ARHGAP23: variants seen among roughly 807,000 people sequenced by gnomAD.
The protein encoded by ARHGAP23 is Rho GTPase activating protein 23, also known as rho GTPase-activating protein 23.
In ARHGAP23, 34 loss-of-function variants were observed where a neutral mutation model predicts 136.3. The observed-to-expected ratio is 0.25, with a 90% CI of 0.19 to 0.33. ARHGAP23 has a LOEUF of 0.33. Ranked by LOEUF, ARHGAP23 falls within the 10% of genes least tolerant of loss-of-function variation. The pLI is 1.00. For synonymous variants in ARHGAP23, 832 were observed against 920.5 expected (o/e 0.90, Z 1.74); for missense variants, 1,808 against 2,139.0 (o/e 0.85, Z 3.05).
upstream of ARHGAP23, among the ~76,000 whole-genome samples, chr17:38,426,546 A>G (rs8076899): frequency 0.5 from 63,065 of 125,872 alleles, 18,645 homozygotes; most frequent in African/African-American, 0.85. Context: ...GTGAAACTCC[A>G]TCTCAAAAAA....
chr17:38,509,869 G>T, intron 23 of ARHGAP23, 75 bp from the exon 24 acceptor site: 1 of 1,141,970 alleles, frequency 8.8e-7, no homozygotes, highest in Non-Finnish European at 1.1e-6. Context: ...TGACGTGGGG[G>T]TGGACCGGGT....
chr17:38,434,061 G>A (rs780927609), intron 1 of ARHGAP23, among the ~76,000 whole-genome samples: 2 of 152,280 alleles, frequency 1.3e-5, no homozygotes, highest in East Asian at 3.9e-4. Flanking sequence ...CTGACCTCAG[G>A]TGATCCACTT....
At chr17:38,423,663 G>A (rs755557254), upstream of ARHGAP23, among the ~76,000 whole-genome samples, 4 of 151,978 alleles carry the variant, frequency 2.6e-5, no homozygotes, top group Admixed American at 6.6e-5. Context: ...GTGAGCCACC[G>A]CGCCTGGCCA....
chr17:38,433,621 G>A lies in ARHGAP23; in HGVS notation c.63+5073G>A, dbSNP rs117331610. Among the ~76,000 whole-genome samples, 5 of 152,284 alleles carry A rather than the reference G, an allele frequency of 3.3e-5. No homozygotes were observed. In the East Asian group the frequency reaches 9.7e-4, roughly 29 times the overall value. Reference sequence around the variant, plus strand: ...GCCTTGGGATCAGCACTATATGATAGGAAATTAGAGGAGCAGGTGAATCCT... The same window carrying A: ...GCCTTGGGATCAGCACTATATGATAAGAAATTAGAGGAGCAGGTGAATCCT... On this transcript the variant is annotated intron_variant, in intron 1 of 23. Transcript: ENST00000622683.
rs2039628847 is a variant in ARHGAP23, at chr17:38,467,155, T to C, written c.1472T>C (p.Leu491Pro). The change falls in exon 7 of 24, where the codon CTG (leucine) becomes CCG (proline). Residue 491 changes from leucine (L) to proline (P), a missense_variant. Around this residue, in one of 7 missense-constraint regions of ARHGAP23, gnomAD observed 859 missense variants for 936.4 expected, o/e 0.92. Coordinates refer to ENST00000622683, the MANE Select transcript of ARHGAP23 (RefSeq NM_001199417.2). ...GAGGATCGCGGCGATGAGGTGGTCCTGAGGCAGAAGCCCCCGACGGGCCGC... is the reference window on the plus strand; with the variant it reads ...GAGGATCGCGGCGATGAGGTGGTCCCGAGGCAGAAGCCCCCGACGGGCCGC... ...PAEDRGDEVV[L>P]RQKPPTGRKV... The C allele has an allele frequency of 6.5e-7, 1 of 1,549,688 alleles. No homozygotes were observed. Among genetic ancestry groups the C allele is most frequent in the African/African-American group, 1.4e-5 (1 of 73,176 alleles).
intron 23 of ARHGAP23, among the ~76,000 whole-genome samples, chr17:38,505,422 C>G (rs1214695780): frequency 1.3e-5 from 2 of 152,056 alleles, no homozygotes; most frequent in Admixed American, 6.6e-5. Flanking sequence ...CCCGAGCACC[C>G]CCACTGGTAC....
Position 38,510,898 on chromosome 17 carries a change from C to T in ARHGAP23, c.4402C>T (p.Pro1468Ser), listed in dbSNP as rs753839002. 1 of 1,491,002 alleles carries T rather than the reference C, an allele frequency of 6.7e-7. No homozygotes were observed. The highest frequency in any genetic ancestry group is 8.9e-7 in the Non-Finnish European group (1 of 1,129,124). 92.4% of individuals were successfully genotyped at this position (1,491,002 alleles called of 1,614,324 possible). A position where few individuals can be genotyped will look rare whatever the true frequency, so the allele number is the denominator to read the frequency against. ...GTCCGCTGCCTCGCAGCCGCCCGCGCCCGGGGACACGGGGTCCCTGCAGAG... is the reference window on the plus strand; with the variant it reads ...GTCCGCTGCCTCGCAGCCGCCCGCGTCCGGGGACACGGGGTCCCTGCAGAG... The part of the protein sequence containing the change: ...PSSAASQPPA[P>S]GDTGSLQSQP... The change falls in exon 24 of 24, where the codon CCC becomes TCC. Residue 1468 changes from proline to serine, a missense_variant. Pro to Ser is a moderately conservative substitution (Grantham distance 74, BLOSUM62 -1). This residue lies in a region of ARHGAP23 where 506 missense variants were observed against 455.8 expected (regional missense o/e 1.11). Coordinates refer to ENST00000622683, the MANE Select transcript of ARHGAP23 (RefSeq NM_001199417.2). This position sits in a 1 kb window ranked among gnomAD's most constrained non-coding sequence, Gnocchi z 4.6.
chr17:38,439,975 G>A (rs2038886547), intron 1 of ARHGAP23, among the ~76,000 whole-genome samples: 1 of 151,530 alleles, frequency 6.6e-6, no homozygotes, highest in East Asian at 1.9e-4. Context: ...TGATCGGCCT[G>A]CCTCGGCCTC....
chr17:38,489,895 G>A (rs1205397838), intron 17 of ARHGAP23: 13 of 590,902 alleles, frequency 2.2e-5, no homozygotes, highest in East Asian at 8.6e-5. Flanking sequence ...CCCAGGTCAG[G>A]TGCACACCCG....
intron 4 of ARHGAP23, 55 bp from the exon 5 acceptor site, chr17:38,463,063 T>C: frequency 6.5e-7 from 1 of 1,544,706 alleles, no homozygotes; most frequent in Admixed American, 2.0e-5. Context: ...ACAGGGGTTC[T>C]CAGATGGGGC....
chr17:38,441,745 G>T (rs767105197), intron 1 of ARHGAP23, among the ~76,000 whole-genome samples: 2 of 152,168 alleles, frequency 1.3e-5, no homozygotes, highest in Non-Finnish European at 1.5e-5. Context: ...AAGGGAAGAA[G>T]GGGACGGGGA....
chr17:38,510,947 C>T lies in ARHGAP23; in HGVS notation c.4451C>T (p.Ala1484Val), dbSNP rs9303325. The T allele has an allele frequency of 2.3e-3, 3,313 of 1,459,648 alleles. 69 individuals carry two copies. The African/African-American group carries it at 0.043, about 19-fold the overall frequency. 90.4% of individuals were successfully genotyped at this position (1,459,648 alleles called of 1,614,324 possible). A position where few individuals can be genotyped will look rare whatever the true frequency, so the allele number is the denominator to read the frequency against. Residue 1484 changes from alanine (A) to valine (V), a missense_variant, in exon 24 of 24, where the codon GCC (alanine) becomes GTC (valine). By Grantham distance (64) the Ala-to-Val change is moderately conservative. This residue lies in a region of ARHGAP23 where 506 missense variants were observed against 455.8 expected (regional missense o/e 1.11). Coordinates refer to ENST00000622683, the MANE Select transcript of ARHGAP23 (RefSeq NM_001199417.2). This position sits in a 1 kb window ranked among gnomAD's most constrained non-coding sequence, Gnocchi z 4.6. ...AGCCAGCCCCCGCGCCGCTCGGCCG[C>T]CTCCCGCCTGCATCAGTGTCTGTGA... is the stretch of plus-strand genomic sequence containing the variant. ...LQSQPPRRSA[A>V]SRLHQCL
chr17:38,446,643 C>G (rs1291806404), intron 1 of ARHGAP23, among the ~76,000 whole-genome samples: 2 of 140,484 alleles, frequency 1.4e-5, no homozygotes, highest in African/African-American at 5.4e-5. Flanking sequence ...CGGAGTTTCA[C>G]TTTTGTTGCC....
intron 21 of ARHGAP23, among the ~76,000 whole-genome samples, chr17:38,498,166 GC>G (rs2040434476): frequency 6.6e-6 from 1 of 152,204 alleles, no homozygotes; most frequent in African/African-American, 2.4e-5. Context: ...CACAGCTCCT[GC>G]CCCTAGCTGA....
intron 20 of ARHGAP23, among the ~76,000 whole-genome samples, chr17:38,497,057 GTCT>G (rs1244338588): frequency 1.3e-5 from 2 of 151,950 alleles, no homozygotes; most frequent in African/African-American, 2.4e-5. Flanking sequence ...TTACTTTCTT[GTCT>G]TCTTGTGTTT....
chr17:38,429,941 G>A (rs1023718233), intron 1 of ARHGAP23, among the ~76,000 whole-genome samples: 1 of 152,184 alleles, frequency 6.6e-6, no homozygotes. Context: ...CTTGGCATGC[G>A]ATTTGAATCT....
At chr17:38,441,860 G>A (rs1345303161) in intron 1 of ARHGAP23, among the ~76,000 whole-genome samples, 1 of 152,178 alleles carries the variant, frequency 6.6e-6, no homozygotes, top group Non-Finnish European at 1.5e-5. Context: ...CAGAACCCAC[G>A]AGGAGGGCTC....
intron 2 of ARHGAP23, among the ~76,000 whole-genome samples, chr17:38,459,237 G>T (rs959457017): frequency 6.6e-6 from 1 of 152,194 alleles, no homozygotes; most frequent in African/African-American, 2.4e-5. Flanking sequence ...CCAAACAGGG[G>T]ACTTCACTGT....
chr17:38,457,572 CTG>C (rs1346912286), intron 1 of ARHGAP23: 1 of 171,018 alleles, frequency 5.8e-6, no homozygotes, highest in Non-Finnish European at 1.3e-5. Context: ...GTGTGTGTAT[CTG>C]TGTGTCTGCA....
Sources: gnomAD v4.1 joint callset for allele counts (sites outside exome capture counted in the v4.1 genomes callset) on GRCh38, gnomAD v4.1.1 for gene constraint, gnomAD v4.1.1 regional missense constraint, Gnocchi (gnomAD v3.1) non-coding constraint, MANE v1.5 for transcripts, NCBI Gene and HGNC (gene_info 2026-07-23, HGNC 2026-07-21) for gene names.